KPNA7: variants seen among roughly 807,000 people sequenced by gnomAD.
KPNA7 encodes importin subunit alpha-8.
A neutral mutation model predicts 53.7 loss-of-function variants in KPNA7; 54 were observed. The observed-to-expected ratio is 1.01, with a 90% CI of 0.81 to 1.26. The LOEUF (loss-of-function observed/expected upper bound fraction) is 1.26. Ranked by LOEUF, KPNA7 falls within the 50% of genes most tolerant of loss-of-function variation. KPNA7 has a pLI of 0.00. For missense variants in KPNA7, 640 were observed against 644.5 expected (o/e 0.99, Z 0.07); for synonymous variants, 276 against 259.3 (o/e 1.06, Z -0.62).
intron 9 of KPNA7, among the ~76,000 whole-genome samples, chr7:99,180,558 T>C (rs1279902665): frequency 1.7e-4 from 24 of 139,468 alleles, no homozygotes; most frequent in East Asian, 6.1e-4. Flanking sequence ...CGTCTGTCTC[T>C]GTCTCTGTCC....
chr7:99,179,942 G>GAT (rs1799089914), intron 9 of KPNA7, among the ~76,000 whole-genome samples: 1 of 152,118 alleles, frequency 6.6e-6, no homozygotes, highest in African/African-American at 2.4e-5. Context: ...CTGCCCTGAT[G>GAT]ATCCCTGACC....
chr7:99,151,414 G>A, the KPNA7 span, among the ~76,000 whole-genome samples: 15 of 151,244 alleles, frequency 9.9e-5, no homozygotes, highest in Non-Finnish European at 1.5e-5. Flanking sequence ...TCCTCTCTTT[G>A]TACTGTAGAA....
At chr7:99,209,200 T>C (rs1179410428), upstream of KPNA7, among the ~76,000 whole-genome samples, 1 of 151,834 alleles carries the variant, frequency 6.6e-6, no homozygotes, top group East Asian at 1.9e-4. Context: ...TGAGGAGTTA[T>C]AAATCAGGCA....
chr7:99,213,455 A>AG (rs1791127536), intron 1 of KPNA7, among the ~76,000 whole-genome samples: 73 of 138,042 alleles, frequency 5.3e-4, no homozygotes, highest in African/African-American at 2.2e-3. Context: ...AAAAAAAAAA[A>AG]AAGAGAGAGA....
chr7:99,219,070 C>T (rs7798877), intron 1 of KPNA7, among the ~76,000 whole-genome samples: 134,453 of 152,276 alleles, frequency 0.88, 59,517 homozygotes, highest in East Asian at 0.95. Context: ...ACCCCCACGC[C>T]GATGGTTCTT....
intron 8 of KPNA7, among the ~76,000 whole-genome samples, chr7:99,184,280 A>T (rs1018178654): frequency 6.6e-6 from 1 of 150,862 alleles, no homozygotes; most frequent in Admixed American, 6.7e-5. Context: ...TTAGCCTCCC[A>T]AGATGCTGGG....
intron 1 of KPNA7, among the ~76,000 whole-genome samples, 183 bp from the exon 2 acceptor site, chr7:99,207,672 G>C (rs111313129): frequency 0.025 from 2,799 of 110,918 alleles, 99 homozygotes; most frequent in African/African-American, 0.09. Context: ...GTCTCGCTCT[G>C]TTGCCCAGAC....
At chr7:99,178,433 G>T (rs141349355) in intron 9 of KPNA7, among the ~76,000 whole-genome samples, 3,485 of 152,014 alleles carry the variant, frequency 0.023, 131 homozygotes, top group African/African-American at 0.08. Flanking sequence ...GTTGGGCGTG[G>T]TGGCAGGTGC....
the KPNA7 span, among the ~76,000 whole-genome samples, chr7:99,151,521 G>T: frequency 6.6e-6 from 1 of 151,088 alleles, no homozygotes; most frequent in Non-Finnish European, 1.5e-5. Context: ...TGCGATCATA[G>T]CTCACTGCAG....
At chr7:99,197,468 A>G (rs1584301639) in intron 3 of KPNA7, among the ~76,000 whole-genome samples, 3 of 152,296 alleles carry the variant, frequency 2.0e-5, no homozygotes, top group Admixed American at 2.0e-4. Context: ...ACACATATAC[A>G]TATATATGTG....
At chr7:99,166,797 C>A in the KPNA7 span, among the ~76,000 whole-genome samples, 1 of 149,860 alleles carries the variant, frequency 6.7e-6, no homozygotes, top group Admixed American at 6.7e-5. Flanking sequence ...TTTTTTGTAT[C>A]TTTAGTAGAG....
At chr7:99,192,563 C>T (rs1790011171) in intron 6 of KPNA7, among the ~76,000 whole-genome samples, 2 of 152,122 alleles carry the variant, frequency 1.3e-5, no homozygotes, top group South Asian at 4.1e-4. Flanking sequence ...CAGGTGTACG[C>T]TACCATGCTC....
chr7:99,180,762 CGTCTGTGT>C (rs1799166254), intron 9 of KPNA7, among the ~76,000 whole-genome samples: 1 of 42,654 alleles, frequency 2.3e-5, no homozygotes, highest in Non-Finnish European at 4.7e-5. Context: ...TCTCTCTCCC[CGTCTGTGT>C]CTCTCTCTCT....
chr7:99,203,098 A>G lies in KPNA7; in HGVS notation c.201+8T>C, dbSNP rs181157278. ...TGCCCAAGACTACTCTAAACACTAC[A>G]TACTGACCGCCACCCCTTTGGCTGT... On this transcript the variant is annotated splice_region_variant and intron_variant, in intron 3 of 10. Transcript: ENST00000327442. 772 of 1,551,640 alleles carry G rather than the reference A, an allele frequency of 5.0e-4. 7 individuals carry two copies. The East Asian group carries it at 0.012, about 25-fold the overall frequency.
chr7:99,191,896 C>T (rs552748911), intron 6 of KPNA7, among the ~76,000 whole-genome samples: 8 of 152,286 alleles, frequency 5.3e-5, no homozygotes, highest in East Asian at 3.9e-4. Context: ...GTGATCCACC[C>T]GCCTCAGCTT....
intron 10 of KPNA7, among the ~76,000 whole-genome samples, chr7:99,174,647 G>A (rs1798836370): frequency 6.6e-6 from 1 of 152,042 alleles, no homozygotes; most frequent in African/African-American, 2.4e-5. Flanking sequence ...GTCCTTTTGT[G>A]AGTAGCTTGT....
At chr7:99,185,854 G>A (rs1327447166) in intron 7 of KPNA7, among the ~76,000 whole-genome samples, 5 of 152,208 alleles carry the variant, frequency 3.3e-5, no homozygotes, top group East Asian at 1.9e-4. Context: ...ATAGTGGTAC[G>A]ATTTTGGTTG....
Position 99,182,936 on chromosome 7 carries a change from C to T in KPNA7, c.1135-871G>A, listed in dbSNP as rs192411323. Among the ~76,000 whole-genome samples, 369 of 152,084 alleles carry T rather than the reference C, an allele frequency of 2.4e-3. 1 individual carries two copies. The highest frequency in any genetic ancestry group is 8.1e-3 in the African/African-American group (335 of 41,502). ...ATACAACCTAAGGGACCAAGCCAGC[C>T]CAGAGGTGACAGAGAAAGACCATTG... On this transcript the variant is annotated intron_variant, in intron 8 of 10. Transcript: ENST00000327442.
At chr7:99,173,367 A>AT (rs1384223534), downstream of KPNA7, among the ~76,000 whole-genome samples, 2 of 151,874 alleles carry the variant, frequency 1.3e-5, no homozygotes, top group African/African-American at 2.4e-5. Context: ...AATTTTTTGT[A>AT]TTTTTAATAG....
Sources: gnomAD v4.1 joint callset for allele counts (sites outside exome capture counted in the v4.1 genomes callset) on GRCh38, gnomAD v4.1.1 for gene constraint, MANE v1.5 for transcripts, NCBI Gene and HGNC (gene_info 2026-07-23, HGNC 2026-07-21) for gene names.